The following NLGN1 variants were observed in gnomAD, a reference collection of about 807,000 sequenced individuals.
NLGN1 encodes neuroligin-1.
In NLGN1, 12 loss-of-function variants were observed where a neutral mutation model predicts 65.5. That is an observed-to-expected ratio of 0.18 (90% CI 0.12 to 0.30). The LOEUF (loss-of-function observed/expected upper bound fraction) is 0.30. Among genes scored for constraint, NLGN1 ranks in the 10% least tolerant of loss-of-function variants. The pLI is 1.00. For synonymous variants in NLGN1, 350 were observed against 359.5 expected (o/e 0.97, Z 0.30); for missense variants, 750 against 1,007.1 (o/e 0.74, Z 3.46).
At chr3:173,952,002 GA>G (rs1748310376) in intron 4 of NLGN1, among the ~76,000 whole-genome samples, 1 of 152,116 alleles carries the variant, frequency 6.6e-6, no homozygotes, top group Non-Finnish European at 1.5e-5. Context: ...GCATACTGTT[GA>G]GAACATTTAA....
intron 4 of NLGN1, among the ~76,000 whole-genome samples, chr3:173,941,699 AT>A (rs1439422326): frequency 6.6e-6 from 1 of 151,644 alleles, no homozygotes; most frequent in African/African-American, 2.4e-5. Context: ...TATAGTGTGT[AT>A]ATATATATAA....
chr3:173,579,157 C>T (rs144800354), intron 2 of NLGN1, among the ~76,000 whole-genome samples: 44 of 152,168 alleles, frequency 2.9e-4, no homozygotes, highest in Middle Eastern at 3.4e-3. Context: ...ATGAAAAAGC[C>T]CCATTTCAAA....
Position 173,990,705 on chromosome 3 carries a change from AAAC to A in NLGN1, c.646+182877_646+182879del, listed in dbSNP as rs1446348405. The stretch of plus-strand genomic sequence containing the variant: ...ATCATAATTTAAAGAGAAAATTAGT[AAAC>A]AACCCACAGCTGTTTTGGTATGAAA... On this transcript the variant is annotated intron_variant, in intron 4 of 6. Transcript: ENST00000457714. 3.3e-5 allele frequency among the ~76,000 whole-genome samples: 5 copies of A among 152,264 alleles called. No homozygotes were observed. The East Asian group carries it at 9.6e-4, about 29-fold the overall frequency.
chr3:173,702,739 C>T (rs1398719923), intron 3 of NLGN1, among the ~76,000 whole-genome samples: 1 of 152,158 alleles, frequency 6.6e-6, no homozygotes, highest in African/African-American at 2.4e-5. Context: ...TGACACTTCA[C>T]TGCGATGCCA....
intron 2 of NLGN1, among the ~76,000 whole-genome samples, chr3:173,484,656 A>G (rs542641766): frequency 2.0e-5 from 3 of 152,344 alleles, no homozygotes; most frequent in African/African-American, 7.2e-5. Flanking sequence ...CAATATATCT[A>G]TGAAAAGATA....
chr3:173,687,186 G>T (rs920551769), intron 3 of NLGN1, among the ~76,000 whole-genome samples: 11 of 152,180 alleles, frequency 7.2e-5, no homozygotes. Flanking sequence ...GTAGAACCGA[G>T]TTGGATTCTC....
chr3:173,478,533 C>T (rs929960029), intron 2 of NLGN1, among the ~76,000 whole-genome samples: 3 of 152,122 alleles, frequency 2.0e-5, no homozygotes, highest in African/African-American at 7.2e-5. Context: ...ACATCCTACA[C>T]ATGTATGCTG....
At chr3:174,142,530 C>G (rs898911932) in intron 4 of NLGN1, among the ~76,000 whole-genome samples, 8 of 152,120 alleles carry the variant, frequency 5.3e-5, no homozygotes, top group Non-Finnish European at 1.2e-4. Context: ...TTGTTTCAAG[C>G]AGCAGTACTG....
intron 2 of NLGN1, among the ~76,000 whole-genome samples, chr3:173,487,666 A>G (rs1476126443): frequency 2.0e-5 from 3 of 152,000 alleles, no homozygotes; most frequent in Non-Finnish European, 4.4e-5. Context: ...GTGAAGTATT[A>G]TTGTTTTCCT....
At chr3:174,243,177 A>G (rs537954320) in intron 4 of NLGN1, among the ~76,000 whole-genome samples, 2 of 152,196 alleles carry the variant, frequency 1.3e-5, no homozygotes, top group Non-Finnish European at 2.9e-5. Context: ...ATGTTCACAT[A>G]TAGACATTTC....
intron 2 of NLGN1, among the ~76,000 whole-genome samples, chr3:173,492,953 G>A (rs1478562038): frequency 6.6e-6 from 1 of 151,638 alleles, no homozygotes; most frequent in African/African-American, 2.4e-5. Flanking sequence ...CTGGATATTC[G>A]AGTCTATCCT....
chr3:174,021,177 A>G (rs1397824852), intron 4 of NLGN1, among the ~76,000 whole-genome samples: 1 of 151,946 alleles, frequency 6.6e-6, no homozygotes, highest in Non-Finnish European at 1.5e-5. Flanking sequence ...GATTGTGCGG[A>G]AAGAGAAATA....
At chr3:173,677,697 G>C (rs1385045786) in intron 3 of NLGN1, among the ~76,000 whole-genome samples, 2 of 151,890 alleles carry the variant, frequency 1.3e-5, no homozygotes, top group Non-Finnish European at 2.9e-5. Context: ...TACATATTTA[G>C]CTCCATGGGC....
intron 3 of NLGN1, among the ~76,000 whole-genome samples, chr3:173,673,504 T>C (rs1009973523): frequency 1.3e-5 from 2 of 152,166 alleles, no homozygotes; most frequent in African/African-American, 4.8e-5. Flanking sequence ...TCTAGTTTGC[T>C]TACCATGATT....
chr3:173,827,859 C>A (rs992090932), intron 4 of NLGN1, among the ~76,000 whole-genome samples: 3 of 151,884 alleles, frequency 2.0e-5, no homozygotes, highest in Non-Finnish European at 4.4e-5. Flanking sequence ...CTCAAATAGC[C>A]TTTCTCTGCC....
At chr3:173,758,688 C>T (rs1451902880) in intron 3 of NLGN1, among the ~76,000 whole-genome samples, 1 of 151,886 alleles carries the variant, frequency 6.6e-6, no homozygotes, top group Non-Finnish European at 1.5e-5. Context: ...GCCAAAAATG[C>T]CCCCCTCCAT....
rs1450474009 is a variant in NLGN1, at chr3:174,116,698, C to CA, written c.647-158616dup. ...AGCATTTGGAAACTGTATACATACT[C>CA]ACATACCACAAAGATGAATGTTGAT... is the stretch of plus-strand genomic sequence containing the variant. On this transcript the variant is annotated intron_variant, in intron 4 of 6. Transcript: ENST00000457714. 2.0e-5 allele frequency among the ~76,000 whole-genome samples: 3 copies of CA among 152,038 alleles called. No individual in the cohort carries two copies. In the East Asian group the frequency reaches 5.8e-4, roughly 29 times the overall value.
chr3:173,747,801 CTTTTTT>C (rs749749824), intron 3 of NLGN1, among the ~76,000 whole-genome samples: 25 of 64,424 alleles, frequency 3.9e-4, no homozygotes, highest in East Asian at 1.8e-3. Context: ...TCTTCTTGTT[CTTTTTT>C]TTTTTTTTTT....
At chr3:173,834,078 T>C (rs1723128360) in intron 4 of NLGN1, among the ~76,000 whole-genome samples, 1 of 152,208 alleles carries the variant, frequency 6.6e-6, no homozygotes, top group African/African-American at 2.4e-5. Context: ...ACTTTTTCTC[T>C]CAACACCATG....
Sources: allele counts gnomAD v4.1 joint callset (sites outside exome capture counted in the v4.1 genomes callset), GRCh38; gene constraint gnomAD v4.1.1; transcripts MANE v1.5; gene names NCBI Gene and HGNC (gene_info 2026-07-23, HGNC 2026-07-21).